NGF: variants seen among roughly 807,000 people sequenced by gnomAD.
NGF encodes beta-nerve growth factor.
NGF carries 4 observed loss-of-function variants against 12.8 expected under a neutral mutation model. The observed-to-expected ratio is 0.31, with a 90% CI of 0.15 to 0.72. NGF has a LOEUF of 0.72. NGF is among the 30% of genes least tolerant of loss of function. The pLI is 0.69. For synonymous variants in NGF, 140 were observed against 130.0 expected (o/e 1.08, Z -0.52); for missense variants, 283 against 330.8 (o/e 0.86, Z 1.12).
At chr1:115,317,555 A>G (rs557975261) in intron 1 of NGF, among the ~76,000 whole-genome samples, 29 of 152,336 alleles carry the variant, frequency 1.9e-4, no homozygotes, top group African/African-American at 5.3e-4. Context: ...CCTCCCACAC[A>G]TGGAAAACAA....
At chr1:115,329,792 C>T (rs1433324404) in intron 1 of NGF, among the ~76,000 whole-genome samples, 1 of 145,140 alleles carries the variant, frequency 6.9e-6, no homozygotes, top group Non-Finnish European at 1.5e-5. Context: ...TTATCTTGCC[C>T]AGGCTAGAGT....
rs1458113797 is a variant in NGF, at chr1:115,333,752, C to A, written c.-137+4452G>T. 2.9e-5 allele frequency among the ~76,000 whole-genome samples: 3 copies of A among 104,588 alleles called. 1 individual carries two copies. The highest frequency in any genetic ancestry group is 6.4e-4 in the East Asian group (2 of 3,118). The allele number at this position is 104,588 out of a possible 152,430, so 68.6% of individuals were successfully genotyped here. On this transcript the variant is annotated intron_variant, in intron 1 of 2. Coordinates refer to ENST00000369512, the MANE Select transcript of NGF (RefSeq NM_002506.3). Reference sequence around the variant, plus strand: ...CTTCTTTCTTTCTTTCTTCCTTCCTCCCTCCCCCCTCTCTCTCTTTCTTCA... The same window carrying A: ...CTTCTTTCTTTCTTTCTTCCTTCCTACCTCCCCCCTCTCTCTCTTTCTTCA...
At chr1:115,290,579 A>G (rs1363092939) in intron 2 of NGF, among the ~76,000 whole-genome samples, 1 of 151,714 alleles carries the variant, frequency 6.6e-6, no homozygotes, top group Non-Finnish European at 1.5e-5. Context: ...TATTTTTTGC[A>G]GAGGCGGGGT....
intron 2 of NGF, among the ~76,000 whole-genome samples, chr1:115,291,919 C>T (rs1304301318): frequency 6.6e-6 from 1 of 152,192 alleles, no homozygotes; most frequent in Non-Finnish European, 1.5e-5. Flanking sequence ...CCAAGAGCCA[C>T]GAGTGATTCT....
intron 1 of NGF, among the ~76,000 whole-genome samples, chr1:115,299,438 C>T (rs138783264): frequency 2.2e-4 from 33 of 152,250 alleles, no homozygotes; most frequent in African/African-American, 7.0e-4. Context: ...GAGTGGCCTT[C>T]TATTGTGTGT....
chr1:115,322,344 C>G (rs1654652541), intron 1 of NGF, among the ~76,000 whole-genome samples: 1 of 152,116 alleles, frequency 6.6e-6, no homozygotes, highest in Non-Finnish European at 1.5e-5. Flanking sequence ...ACTCCAGGCC[C>G]ATGGTAAGAA....
At chr1:115,305,530 C>T (rs1305974362) in intron 1 of NGF, among the ~76,000 whole-genome samples, 1 of 152,208 alleles carries the variant, frequency 6.6e-6, no homozygotes, top group South Asian at 2.1e-4. Flanking sequence ...GGATTCTGTG[C>T]ATCTTCTATG....
Position 115,302,039 on chromosome 1 carries a change from T to C in NGF, c.-136-8289A>G, listed in dbSNP as rs563263905. On this transcript the variant is annotated intron_variant, in intron 1 of 2. Coordinates refer to ENST00000369512, the MANE Select transcript of NGF (RefSeq NM_002506.3). ...CTTCTTGAGGTCTTAGGAGTATTTC[T>C]ATCCGTGGGGCTGTCCCAGTGTAGG... is the stretch of plus-strand genomic sequence containing the variant. 7.7e-4 allele frequency among the ~76,000 whole-genome samples: 118 copies of C among 152,370 alleles called. 1 individual carries two copies. Among genetic ancestry groups the C allele is most frequent in the African/African-American group, 2.7e-3 (114 of 41,590 alleles).
At chr1:115,290,092 T>A (rs995116335) in intron 2 of NGF, among the ~76,000 whole-genome samples, 1 of 152,122 alleles carries the variant, frequency 6.6e-6, no homozygotes, top group African/African-American at 2.4e-5. Flanking sequence ...AAGTCCCTTG[T>A]CTGTAAGCCA....
At chr1:115,317,372 A>G (rs1654501020) in intron 1 of NGF, among the ~76,000 whole-genome samples, 1 of 152,198 alleles carries the variant, frequency 6.6e-6, no homozygotes, top group African/African-American at 2.4e-5. Flanking sequence ...TGACAATAGA[A>G]GAGAGTAGTT....
chr1:115,308,269 G>A (rs1654252565), intron 1 of NGF, among the ~76,000 whole-genome samples: 1 of 152,226 alleles, frequency 6.6e-6, no homozygotes, highest in South Asian at 2.1e-4. Context: ...TCACTGCTGT[G>A]CAGTTGGTCA....
intron 1 of NGF, among the ~76,000 whole-genome samples, chr1:115,333,283 G>A (rs1023540150): frequency 1.3e-5 from 2 of 152,166 alleles, no homozygotes; most frequent in African/African-American, 4.8e-5. Context: ...TCCTGTAGTA[G>A]TGGATTGAAA....
chr1:115,302,055 C>T (rs1654052608), intron 1 of NGF, among the ~76,000 whole-genome samples: 2 of 152,168 alleles, frequency 1.3e-5, no homozygotes, highest in South Asian at 4.2e-4. Flanking sequence ...TGGGGCTGTC[C>T]CAGTGTAGGC....
intron 1 of NGF, among the ~76,000 whole-genome samples, chr1:115,302,605 T>C (rs1654071756): frequency 6.6e-6 from 1 of 152,232 alleles, no homozygotes; most frequent in Non-Finnish European, 1.5e-5. Flanking sequence ...ACTTCTTTCT[T>C]TGTGAATCAG....
chr1:115,291,801 A>G lies in NGF; in HGVS notation c.-13+1826T>C, dbSNP rs188164415. On this transcript the variant is annotated intron_variant, in intron 2 of 2. Transcript: ENST00000369512. ...TGAACAGAGCTAAGCAACTGGCCCAAATATTTGTGGTTAGGAGGGCTGATG... is the reference window on the plus strand; with the variant it reads ...TGAACAGAGCTAAGCAACTGGCCCAGATATTTGTGGTTAGGAGGGCTGATG... Among the ~76,000 whole-genome samples, 496 of 152,302 alleles carry G rather than the reference A, an allele frequency of 3.3e-3. 4 individuals are homozygous for G. The highest frequency in any genetic ancestry group is 0.011 in the African/African-American group (468 of 41,560).
chr1:115,299,363 T>A, intron 1 of NGF, among the ~76,000 whole-genome samples: 1 of 152,056 alleles, frequency 6.6e-6, no homozygotes, highest in East Asian at 1.9e-4. Flanking sequence ...CAGCTGTAGG[T>A]AGGAAGAAGT....
chr1:115,286,980 G>A (rs901276007), intron 2 of NGF, among the ~76,000 whole-genome samples, 173 bp from the exon 3 acceptor site: 14 of 152,150 alleles, frequency 9.2e-5, no homozygotes, highest in African/African-American at 2.7e-4. Flanking sequence ...CGGGACAACA[G>A]GCGTAACCCG....
At chr1:115,314,155 G>T (rs1041774838) in intron 1 of NGF, among the ~76,000 whole-genome samples, 17 of 152,322 alleles carry the variant, frequency 1.1e-4, no homozygotes, top group African/African-American at 4.1e-4. Flanking sequence ...AAATCTTGGT[G>T]TGTCTGACTT....
At chr1:115,304,962 G>A (rs1654158140) in intron 1 of NGF, among the ~76,000 whole-genome samples, 1 of 152,194 alleles carries the variant, frequency 6.6e-6, no homozygotes, top group Non-Finnish European at 1.5e-5. Context: ...GTTTGGGTTT[G>A]TGGGAAGAAA....
Sources: allele counts gnomAD v4.1 joint callset (sites outside exome capture counted in the v4.1 genomes callset), GRCh38; gene constraint gnomAD v4.1.1; transcripts MANE v1.5; gene names NCBI Gene and HGNC (gene_info 2026-07-23, HGNC 2026-07-21).